The following PARD3B variants were observed in gnomAD, a reference collection of about 807,000 sequenced individuals.
The protein encoded by PARD3B is par-3 family cell polarity regulator beta, also known as partitioning defective 3 homolog B.
Under a neutral mutation model 130.2 loss-of-function variants are expected in PARD3B, and 103 were observed. That is an observed-to-expected ratio of 0.79 (90% CI 0.67 to 0.93). The LOEUF is 0.93. Ranked by LOEUF, PARD3B falls within the 40% of genes least tolerant of loss-of-function variation. PARD3B has a pLI of 0.00. For synonymous variants in PARD3B, 583 were observed against 553.2 expected (o/e 1.05, Z -0.76); for missense variants, 1,609 against 1,499.2 (o/e 1.07, Z -1.21).
intron 2 of PARD3B, among the ~76,000 whole-genome samples, chr2:204,870,460 C>T (rs1030832785): frequency 6.6e-6 from 1 of 152,080 alleles, no homozygotes; most frequent in Non-Finnish European, 1.5e-5. Flanking sequence ...TATCCTTCTG[C>T]TAGGGATTTA....
intron 2 of PARD3B, among the ~76,000 whole-genome samples, chr2:204,793,642 G>A (rs2042270648): frequency 6.6e-6 from 1 of 152,062 alleles, no homozygotes; most frequent in Admixed American, 6.5e-5. Context: ...GGAGTAGCTG[G>A]GATTACAGGT....
chr2:204,967,182 A>C lies in PARD3B; in HGVS notation c.394+1859A>C, dbSNP rs1691328229. ...ATCTCATTTCACTTAGTACCAGATT[A>C]AATGATGAGACTAGCTCACTGTTAG... On this transcript the variant is annotated intron_variant, in intron 3 of 22. Coordinates refer to ENST00000406610, the MANE Select transcript of PARD3B (RefSeq NM_001302769.2). The surrounding 1 kb of genome is among the most constrained non-coding windows in gnomAD (Gnocchi z 4.4). Among the ~76,000 whole-genome samples the C allele has an allele frequency of 6.6e-6, 1 of 152,224 alleles. No homozygotes were observed. The highest frequency in any genetic ancestry group is 2.4e-5 in the African/African-American group (1 of 41,446).
chr2:204,703,977 G>GTA (rs2038016168), intron 2 of PARD3B, among the ~76,000 whole-genome samples: 1 of 152,042 alleles, frequency 6.6e-6, no homozygotes, highest in African/African-American at 2.4e-5. Context: ...TAGTGTTGAA[G>GTA]TATACATTTA....
chr2:205,557,395 G>T (rs1219752524), intron 22 of PARD3B, among the ~76,000 whole-genome samples: 1 of 152,196 alleles, frequency 6.6e-6, no homozygotes, highest in East Asian at 1.9e-4. Flanking sequence ...CTCTGGAGGT[G>T]ATCTCACTTC....
intron 1 of PARD3B, among the ~76,000 whole-genome samples, chr2:204,598,890 A>C (rs578042631): frequency 6.6e-6 from 1 of 151,980 alleles, no homozygotes; most frequent in East Asian, 1.9e-4. Context: ...GATCCTGTCA[A>C]TGCTGCTAAT....
chr2:204,710,219 A>G (rs1463733325), intron 2 of PARD3B, among the ~76,000 whole-genome samples: 1 of 152,212 alleles, frequency 6.6e-6, no homozygotes, highest in Non-Finnish European at 1.5e-5. Context: ...CTGGAAAGAC[A>G]TTTAATTCAA....
At chr2:204,670,071 C>A (rs1015470100) in intron 1 of PARD3B, among the ~76,000 whole-genome samples, 5 of 152,152 alleles carry the variant, frequency 3.3e-5, no homozygotes, top group African/African-American at 9.6e-5. Flanking sequence ...TGTTAAAATT[C>A]AAAAAGACTA....
intron 18 of PARD3B, among the ~76,000 whole-genome samples, chr2:205,357,186 G>A (rs565699346): frequency 6.6e-6 from 1 of 152,302 alleles, no homozygotes; most frequent in South Asian, 2.1e-4. Context: ...TGTGTTGTGG[G>A]AGGAGAGAAG....
chr2:204,550,953 G>A (rs1273124625), intron 1 of PARD3B, among the ~76,000 whole-genome samples: 1 of 152,184 alleles, frequency 6.6e-6, no homozygotes, highest in East Asian at 1.9e-4. Context: ...GGCCCAGACT[G>A]GATTCCTCAA....
intron 2 of PARD3B, among the ~76,000 whole-genome samples, chr2:204,772,791 G>A (rs1040455731): frequency 2.0e-5 from 3 of 151,962 alleles, no homozygotes; most frequent in Non-Finnish European, 4.4e-5. Flanking sequence ...ATTGTATTTT[G>A]TATGGTTTAT....
At chr2:204,698,107 G>C (rs907056315) in intron 2 of PARD3B, among the ~76,000 whole-genome samples, 1 of 151,998 alleles carries the variant, frequency 6.6e-6, no homozygotes, top group African/African-American at 2.4e-5. Flanking sequence ...TCCTAACTTG[G>C]AACCTCCAAT....
rs13383943 is a variant in PARD3B, at chr2:204,943,542, T to C, written c.223-21610T>C. On this transcript the variant is annotated intron_variant, in intron 2 of 22. Coordinates refer to ENST00000406610, the MANE Select transcript of PARD3B (RefSeq NM_001302769.2). This position sits in a 1 kb window ranked among gnomAD's most constrained non-coding sequence, Gnocchi z 4.2. ...GTGCCAGGTTTGAGGATCCTGCAAATTGCTCGTAATGGAGGTAAATGGCTT... is the reference window on the plus strand; with the variant it reads ...GTGCCAGGTTTGAGGATCCTGCAAACTGCTCGTAATGGAGGTAAATGGCTT... 0.25 allele frequency among the ~76,000 whole-genome samples: 37,930 copies of C among 152,058 alleles called. 5,192 individuals are homozygous for C. The highest frequency in any genetic ancestry group is 0.32 in the African/African-American group (13,443 of 41,436).
At chr2:204,973,199 A>G (rs1327900331) in intron 3 of PARD3B, among the ~76,000 whole-genome samples, 4 of 152,166 alleles carry the variant, frequency 2.6e-5, no homozygotes, top group African/African-American at 7.2e-5. Context: ...CTCTAAATAC[A>G]AGTACTGCTT....
chr2:205,413,581 G>A (rs556235961), intron 19 of PARD3B, among the ~76,000 whole-genome samples: 31 of 152,290 alleles, frequency 2.0e-4, no homozygotes, highest in East Asian at 5.8e-4. Context: ...AAGCTATAGC[G>A]TTTAGAGATA....
intron 1 of PARD3B, among the ~76,000 whole-genome samples, chr2:204,676,637 T>TACCATAC (rs1035687848): frequency 2.0e-5 from 3 of 151,842 alleles, no homozygotes; most frequent in African/African-American, 7.3e-5. Context: ...CTCATGTTTT[T>TACCATAC]ACCATACATC....
chr2:204,983,023 T>G (rs1692808526), intron 3 of PARD3B, among the ~76,000 whole-genome samples: 1 of 152,200 alleles, frequency 6.6e-6, no homozygotes, highest in Admixed American at 6.5e-5. Flanking sequence ...CTTGGTTTTC[T>G]CGGATTATCT....
chr2:204,736,483 C>T (rs970804056), intron 2 of PARD3B, among the ~76,000 whole-genome samples: 9 of 152,038 alleles, frequency 5.9e-5, no homozygotes, highest in African/African-American at 1.7e-4. Context: ...CATGCCTTTG[C>T]GTACTCATAG....
At chr2:204,938,124 C>A (rs927558992) in intron 2 of PARD3B, among the ~76,000 whole-genome samples, 1 of 152,108 alleles carries the variant, frequency 6.6e-6, no homozygotes, top group Non-Finnish European at 1.5e-5. Flanking sequence ...TTTTGTCTGG[C>A]TGGATGTCCA....
At chr2:205,310,748 G>T in intron 18 of PARD3B, among the ~76,000 whole-genome samples, 1 of 96,072 alleles carries the variant, frequency 1.0e-5, no homozygotes, top group African/African-American at 4.2e-5. Flanking sequence ...TTTTGAGACA[G>T]AGTCTCACTC....
Sources: gnomAD v4.1 joint callset for allele counts (sites outside exome capture counted in the v4.1 genomes callset) on GRCh38, gnomAD v4.1.1 for gene constraint, Gnocchi (gnomAD v3.1) non-coding constraint, MANE v1.5 for transcripts, NCBI Gene and HGNC (gene_info 2026-07-23, HGNC 2026-07-21) for gene names.